The following AHI1 variants were observed in gnomAD, a reference collection of about 807,000 sequenced individuals.
AHI1 encodes Abelson helper integration site 1.
AHI1 carries 123 observed loss-of-function variants against 149.3 expected under a neutral mutation model. The ratio of observed to expected loss-of-function variants is 0.82; its 90% confidence interval spans 0.71 to 0.96. The LOEUF (loss-of-function observed/expected upper bound fraction) is 0.96. Among genes scored for constraint, AHI1 ranks in the 40% least tolerant of loss-of-function variants. The pLI is 0.00. For missense variants in AHI1, 1,439 were observed against 1,422.7 expected (o/e 1.01, Z -0.18); for synonymous variants, 475 against 459.8 (o/e 1.03, Z -0.42).
intron 23 of AHI1, among the ~76,000 whole-genome samples, chr6:135,363,939 G>C (rs1446418192): frequency 6.8e-6 from 1 of 147,706 alleles, no homozygotes; most frequent in Non-Finnish European, 1.5e-5. Context: ...GGCCGGGCGG[G>C]GGGCTGACCC....
At chr6:135,414,124 A>G (rs1016170326) in intron 20 of AHI1, among the ~76,000 whole-genome samples, 8 of 152,346 alleles carry the variant, frequency 5.3e-5, no homozygotes, top group African/African-American at 1.7e-4. Flanking sequence ...GCATAAAGAT[A>G]AATAAACAGA....
intron 10 of AHI1, 116 bp from the exon 11 acceptor site, chr6:135,453,552 G>T (rs906243466): frequency 1.4e-6 from 1 of 737,028 alleles, no homozygotes; most frequent in African/African-American, 1.8e-5. Context: ...ACCTTTACAG[G>T]GAATAAAAAC....
At chr6:135,383,417 T>A (rs1305107976) in intron 23 of AHI1, among the ~76,000 whole-genome samples, 2 of 151,182 alleles carry the variant, frequency 1.3e-5, no homozygotes, top group Admixed American at 6.6e-5. Context: ...ACATTTTTTT[T>A]AAAGAGACAG....
chr6:135,477,336 G>A (rs1284196792), intron 5 of AHI1, among the ~76,000 whole-genome samples: 1 of 151,996 alleles, frequency 6.6e-6, no homozygotes, highest in Non-Finnish European at 1.5e-5. Flanking sequence ...CACCATGCCC[G>A]GCCCTCTCTG....
At chr6:135,301,072 C>T (rs1419769484) in intron 26 of AHI1, 2 of 985,168 alleles carry the variant, frequency 2.0e-6, no homozygotes, top group Non-Finnish European at 2.4e-6. Context: ...AAACAATAAG[C>T]ACTTTCAAGG....
intron 27 of AHI1, among the ~76,000 whole-genome samples, chr6:135,295,932 A>C (rs546621970): frequency 6.6e-6 from 1 of 152,236 alleles, no homozygotes; most frequent in South Asian, 2.1e-4. Context: ...GGCTCACTGC[A>C]ATCTCCACCT....
intron 26 of AHI1, among the ~76,000 whole-genome samples, chr6:135,316,330 T>A (rs567419406): frequency 7.9e-5 from 12 of 152,178 alleles, no homozygotes; most frequent in Non-Finnish European, 1.6e-4. Context: ...CTTTAGCCAC[T>A]GAGGAATCTT....
chr6:135,402,810 A>G (rs1272248613), intron 22 of AHI1, among the ~76,000 whole-genome samples: 1 of 152,212 alleles, frequency 6.6e-6, no homozygotes, highest in African/African-American at 2.4e-5. Context: ...AATATAGTAT[A>G]TAATACACAT....
chr6:135,422,892 C>A (rs144906409), intron 20 of AHI1, among the ~76,000 whole-genome samples: 241 of 152,002 alleles, frequency 1.6e-3, no homozygotes, highest in African/African-American at 5.6e-3. Flanking sequence ...ACCAACAACA[C>A]ATTTTACCAT....
At chr6:135,422,140 T>C (rs1307029915) in intron 20 of AHI1, among the ~76,000 whole-genome samples, 3 of 152,184 alleles carry the variant, frequency 2.0e-5, no homozygotes, top group Non-Finnish European at 4.4e-5. Context: ...ATCGTATCTA[T>C]ATTGTACAGA....
intron 23 of AHI1, among the ~76,000 whole-genome samples, chr6:135,384,659 T>C (rs1777317117): frequency 6.6e-6 from 1 of 152,216 alleles, no homozygotes; most frequent in Non-Finnish European, 1.5e-5. Flanking sequence ...ATTAAAAGTG[T>C]TATTTGCATT....
chr6:135,388,211 G>A (rs1777903109), intron 23 of AHI1, among the ~76,000 whole-genome samples: 1 of 152,000 alleles, frequency 6.6e-6, no homozygotes, highest in Non-Finnish European at 1.5e-5. Context: ...CTGAAACACT[G>A]GAATTTTGAA....
At chr6:135,492,829 C>T in intron 3 of AHI1, 2 of 985,296 alleles carry the variant, frequency 2.0e-6, no homozygotes, top group Non-Finnish European at 2.4e-6. Context: ...ATTACTGTGT[C>T]AGAACTACTC....
At chr6:135,290,607 C>T (rs982810508) in intron 27 of AHI1, 82 bp from the exon 28 acceptor site, 31 of 1,449,436 alleles carry the variant, frequency 2.1e-5, no homozygotes, top group Middle Eastern at 1.8e-4. Context: ...GATCTAGGGC[C>T]GTGGCAGTGG....
At chr6:135,373,718 CAGAT>C (rs1204890692) in intron 23 of AHI1, among the ~76,000 whole-genome samples, 6 of 152,096 alleles carry the variant, frequency 3.9e-5, no homozygotes, top group Non-Finnish European at 8.8e-5. Flanking sequence ...CAAAGACAAA[CAGAT>C]AGGCTGCAAA....
Position 135,497,403 on chromosome 6 carries a change from G to GT in AHI1, c.-201-155dup, listed in dbSNP as rs750839812. 8.5e-5 allele frequency among the ~76,000 whole-genome samples: 13 copies of GT among 152,308 alleles called. No individual in the cohort carries two copies. The East Asian group carries it at 9.7e-4, about 11-fold the overall frequency. On this transcript the variant is annotated intron_variant, in intron 1 of 28. Coordinates refer to ENST00000265602, the MANE Select transcript of AHI1 (RefSeq NM_001134831.2). Reference sequence around the variant, plus strand: ...CCAGTGAAAGAAGCGCAAAAGTACGGTGAGGACTCTCAGAAATCGCATTCC... The same window carrying GT: ...CCAGTGAAAGAAGCGCAAAAGTACGGTTGAGGACTCTCAGAAATCGCATTCC...
chr6:135,375,421 A>G (rs1775768635), intron 23 of AHI1, among the ~76,000 whole-genome samples: 1 of 152,202 alleles, frequency 6.6e-6, no homozygotes, highest in Admixed American at 6.5e-5. Context: ...AGATGAACAG[A>G]ATAGATTAAA....
intron 18 of AHI1, among the ~76,000 whole-genome samples, chr6:135,429,624 C>T (rs771414470): frequency 3.3e-5 from 5 of 151,344 alleles, no homozygotes; most frequent in Non-Finnish European, 7.4e-5. Flanking sequence ...AGCCTCAGAA[C>T]TACTCACATT....
chr6:135,317,300 G>A (rs537858345), intron 26 of AHI1, among the ~76,000 whole-genome samples: 42 of 151,712 alleles, frequency 2.8e-4, no homozygotes, highest in African/African-American at 9.7e-4. Flanking sequence ...TTTTAGTAGA[G>A]TATGCTACGC....
Sources: allele counts gnomAD v4.1 joint callset (sites outside exome capture counted in the v4.1 genomes callset), GRCh38; gene constraint gnomAD v4.1.1; transcripts MANE v1.5; gene names NCBI Gene and HGNC (gene_info 2026-07-23, HGNC 2026-07-21).